The following EPHA7 variants were observed in gnomAD, a reference collection of about 807,000 sequenced individuals.
EPHA7 encodes EPH receptor A7.
Under a neutral mutation model 112.6 loss-of-function variants are expected in EPHA7, and 25 were observed. That is an observed-to-expected ratio of 0.22 (90% CI 0.16 to 0.31). The LOEUF is 0.31. EPHA7 is among the 10% of genes least tolerant of loss of function. The pLI is 1.00. For synonymous variants in EPHA7, 437 were observed against 406.5 expected, an observed-to-expected ratio of 1.07 and a Z score of -0.90; for missense variants, 962 against 1,212.6, an observed-to-expected ratio of 0.79 and a Z score of 3.07.
At chr6:93,246,445 A>G (rs1207657997) in intron 15 of EPHA7, among the ~76,000 whole-genome samples, 3 of 152,194 alleles carry the variant, frequency 2.0e-5, no homozygotes, top group Non-Finnish European at 2.9e-5. Flanking sequence ...ACAAAAAACA[A>G]GGACAACAGT....
chr6:93,359,847 T>C (rs976860916), intron 3 of EPHA7, among the ~76,000 whole-genome samples: 2 of 96,130 alleles, frequency 2.1e-5, no homozygotes, highest in South Asian at 3.2e-4. Flanking sequence ...CATCGATCAA[T>C]AGATGATAGA....
At chr6:93,334,580 C>G (rs1421951865) in intron 5 of EPHA7, among the ~76,000 whole-genome samples, 1 of 151,916 alleles carries the variant, frequency 6.6e-6, no homozygotes, top group Non-Finnish European at 1.5e-5. Flanking sequence ...ATATATAATA[C>G]CTACAATCTA....
chr6:93,306,585 A>C (rs2127857568), intron 5 of EPHA7, among the ~76,000 whole-genome samples: 1 of 152,144 alleles, frequency 6.6e-6, no homozygotes, highest in Non-Finnish European at 1.5e-5. Flanking sequence ...TGAACTAAAT[A>C]TACATTTTAA....
chr6:93,265,310 C>G (rs1770879232), intron 7 of EPHA7, among the ~76,000 whole-genome samples: 1 of 151,642 alleles, frequency 6.6e-6, no homozygotes, highest in Admixed American at 6.6e-5. Context: ...TACAAAGTAG[C>G]TAGCCTATTT....
At chr6:93,285,329 G>A (rs563321062) in intron 5 of EPHA7, among the ~76,000 whole-genome samples, 1 of 152,236 alleles carries the variant, frequency 6.6e-6, no homozygotes, top group East Asian at 1.9e-4. Context: ...GGAAGATCTG[G>A]CTTATAATGA....
rs1239276889 is a variant in EPHA7 at position 93,246,887 on chromosome 6, A to C, written c.2631T>G (p.Arg877=). The C allele has an allele frequency of 6.2e-7, 1 of 1,613,998 alleles. No individual in the cohort carries two copies. The highest frequency in any genetic ancestry group is 8.5e-7 in the Non-Finnish European group (1 of 1,179,890). ...QLMLDCWQKE[R]AERPKFEQIV... is the part of the protein sequence containing the mutation. Reference sequence around the variant, plus strand: ...TCTGTTCAAATTTTGGCCTTTCAGCACGCTCCTTTTGCCAACAATCCAACA... The same window carrying C: ...TCTGTTCAAATTTTGGCCTTTCAGCCCGCTCCTTTTGCCAACAATCCAACA... Residue 877 remains arginine (R), a synonymous_variant, in exon 15 of 17, where the codon CGT becomes CGG. Coordinates refer to ENST00000369303, the MANE Select transcript of EPHA7 (RefSeq NM_004440.4).
intron 5 of EPHA7, among the ~76,000 whole-genome samples, chr6:93,322,859 C>T (rs1034551623): frequency 2.0e-5 from 3 of 151,452 alleles, no homozygotes; most frequent in African/African-American, 7.3e-5. Context: ...CATACTGTCC[C>T]CCATCTGTGC....
chr6:93,354,922 A>C (rs1013272463), intron 5 of EPHA7, among the ~76,000 whole-genome samples: 2 of 152,188 alleles, frequency 1.3e-5, no homozygotes, highest in African/African-American at 4.8e-5. Context: ...TCTTGATATT[A>C]GCAGGAATAA....
At chr6:93,314,634 A>G (rs537799736) in intron 5 of EPHA7, among the ~76,000 whole-genome samples, 2 of 152,126 alleles carry the variant, frequency 1.3e-5, no homozygotes, top group Non-Finnish European at 2.9e-5. Flanking sequence ...TTTGAAGAAT[A>G]CAACCAATTT....
chr6:93,405,346 C>T (rs952065373), intron 3 of EPHA7, among the ~76,000 whole-genome samples: 1 of 151,692 alleles, frequency 6.6e-6, no homozygotes, highest in Admixed American at 6.6e-5. Flanking sequence ...AAATTGCATA[C>T]ACTGCTGGTG....
chr6:93,419,558 C>CGGCCG lies in EPHA7; in HGVS notation c.-218_-217insCGGCC, dbSNP rs1779426559. 2 of 514,128 alleles carry CGGCCG rather than the reference C, an allele frequency of 3.9e-6. No individual in the cohort carries two copies. Among genetic ancestry groups the CGGCCG allele is most frequent in the Non-Finnish European group, 6.8e-6 (2 of 294,466 alleles). 31.8% of individuals were successfully genotyped at this position (514,128 alleles called of 1,614,324 possible). A position where few individuals can be genotyped will look rare whatever the true frequency, so the allele number is the denominator to read the frequency against. ...CTGCCTGCAAGTCTCCGACTGCAGA[C>CGGCCG]CGGCCGCTTGCTCCACACTCCAATA... On this transcript the variant is annotated 5_prime_UTR_variant, in exon 1 of 17. Coordinates refer to ENST00000369303, the MANE Select transcript of EPHA7 (RefSeq NM_004440.4).
intron 16 of EPHA7, 63 bp from the exon 17 acceptor site, chr6:93,243,603 G>A: frequency 9.2e-7 from 1 of 1,081,124 alleles, no homozygotes; most frequent in Non-Finnish European, 1.4e-6. Context: ...GCACTAAACT[G>A]TCATCAACTG....
At position 93,419,134 on chromosome 6, in the gene EPHA7, G is replaced by C. The variant is rs1582708304; in HGVS notation, c.97+111C>G. 5 of 803,814 alleles carry C rather than the reference G, an allele frequency of 6.2e-6. No homozygotes were observed. The South Asian group carries it at 1.2e-4, about 19-fold the overall frequency. The allele number at this position is 803,814 out of a possible 1,614,324, so 49.8% of individuals were successfully genotyped here. On this transcript the variant is annotated intron_variant, in intron 1 of 16. Transcript: ENST00000369303. ...GAGGGGGCGGGGAGCCGGCGGGGGA[G>C]GGTCGCCCGGCGCCGGAGGCGCGGC... is the stretch of plus-strand genomic sequence containing the variant.
intron 3 of EPHA7, among the ~76,000 whole-genome samples, chr6:93,408,932 T>A (rs545836150): frequency 6.6e-5 from 10 of 152,114 alleles, no homozygotes; most frequent in Non-Finnish European, 1.0e-4. Flanking sequence ...TATTTCCACA[T>A]GTAATCAACA....
In EPHA7 at chr6:93,382,977, T is replaced by C. The variant is rs183006534; in HGVS notation, c.833-24566A>G. Among the ~76,000 whole-genome samples, 374 of 152,276 alleles carry C rather than the reference T, an allele frequency of 2.5e-3. 2 individuals carry two copies. The highest frequency in any genetic ancestry group is 7.7e-3 in the African/African-American group (322 of 41,566). Reference sequence around the variant, plus strand: ...GTATTTGAAACTGCTTCCGTCTCTTTGTCCACTGAACCCAATCAACAAGTC... The same window carrying C: ...GTATTTGAAACTGCTTCCGTCTCTTCGTCCACTGAACCCAATCAACAAGTC... On this transcript the variant is annotated intron_variant, in intron 3 of 16. Coordinates refer to ENST00000369303, the MANE Select transcript of EPHA7 (RefSeq NM_004440.4).
At chr6:93,355,213 T>C (rs1582582268) in intron 5 of EPHA7, among the ~76,000 whole-genome samples, 1 of 152,162 alleles carries the variant, frequency 6.6e-6, no homozygotes, top group Non-Finnish European at 1.5e-5. Flanking sequence ...TTATTAAAGA[T>C]TTACATTTCT....
intron 7 of EPHA7, among the ~76,000 whole-genome samples, chr6:93,269,269 A>G (rs527514745): frequency 6.6e-5 from 10 of 151,948 alleles, no homozygotes; most frequent in Admixed American, 5.3e-4. Flanking sequence ...AAAGAAACTA[A>G]TTTAAATCAC....
At chr6:93,364,448 C>T (rs572637825) in intron 3 of EPHA7, among the ~76,000 whole-genome samples, 64 of 148,912 alleles carry the variant, frequency 4.3e-4, no homozygotes, top group African/African-American at 1.5e-3. Flanking sequence ...CACTTGAACC[C>T]GGGAGGTGAA....
intron 14 of EPHA7, 59 bp downstream of exon 14, chr6:93,254,588 C>A: frequency 7.0e-7 from 1 of 1,431,480 alleles, no homozygotes; most frequent in Non-Finnish European, 9.6e-7. Context: ...CTACATGTTC[C>A]AGTAATACTG....
Sources: gnomAD v4.1 joint callset for allele counts (sites outside exome capture counted in the v4.1 genomes callset) on GRCh38, gnomAD v4.1.1 for gene constraint, MANE v1.5 for transcripts, NCBI Gene and HGNC (gene_info 2026-07-23, HGNC 2026-07-21) for gene names.